The following ADNP2 variants were observed in gnomAD, a reference collection of about 807,000 sequenced individuals.
ADNP2 encodes ADNP homeobox 2, also known as activity-dependent neuroprotector homeobox protein 2.
A neutral mutation model predicts 16.4 loss-of-function variants in ADNP2; 8 were observed. The observed-to-expected ratio is 0.49, with a 90% CI of 0.29 to 0.88. ADNP2 has a LOEUF of 0.88. Among genes scored for constraint, ADNP2 ranks in the 40% least tolerant of loss-of-function variants. ADNP2 has a pLI of 0.09. For synonymous variants in ADNP2, 637 were observed against 545.8 expected, an observed-to-expected ratio of 1.17 and a Z score of -2.33; for missense variants, 1,397 against 1,395.1, an observed-to-expected ratio of 1.00 and a Z score of -0.02.
At chr18:80,109,746 C>T (rs910634971) in intron 1 of ADNP2, 2 of 150,884 alleles carry the variant, frequency 1.3e-5, no homozygotes, top group African/African-American at 4.9e-5. Context: ...GGGGGCCGCC[C>T]CGGGAGGGCG....
At chr18:80,119,182 A>G (rs1314703651) in intron 2 of ADNP2, among the ~76,000 whole-genome samples, 1 of 152,198 alleles carries the variant, frequency 6.6e-6, no homozygotes, top group African/African-American at 2.4e-5. Context: ...GCATAGTGAG[A>G]ACCTTTTTCC....
At chr18:80,123,297 A>T (rs2052436858) in intron 2 of ADNP2, among the ~76,000 whole-genome samples, 2 of 151,946 alleles carry the variant, frequency 1.3e-5, no homozygotes, top group South Asian at 4.1e-4. Flanking sequence ...TAATGTTTTT[A>T]TTTGGCCCTC....
intron 3 of ADNP2, chr18:80,133,589 G>A (rs1404409621): frequency 5.4e-6 from 1 of 186,020 alleles, no homozygotes; most frequent in Non-Finnish European, 1.1e-5. Flanking sequence ...AACATTTTAA[G>A]TAATTAGAAA....
intron 1 of ADNP2, among the ~76,000 whole-genome samples, chr18:80,110,490 G>T (rs779860840): frequency 2.6e-5 from 4 of 152,134 alleles, no homozygotes; most frequent in African/African-American, 7.2e-5. Flanking sequence ...GCAGCAGTTT[G>T]TAGAGTACTG....
chr18:80,134,231 G>A (rs1243340326), intron 3 of ADNP2, among the ~76,000 whole-genome samples: 2 of 151,938 alleles, frequency 1.3e-5, no homozygotes, highest in African/African-American at 4.8e-5. Flanking sequence ...AAAATATCTC[G>A]TAATGTAACT....
At chr18:80,112,641 G>C (rs2052365075) in intron 1 of ADNP2, among the ~76,000 whole-genome samples, 1 of 152,148 alleles carries the variant, frequency 6.6e-6, no homozygotes, top group Non-Finnish European at 1.5e-5. Flanking sequence ...CCCAAGCCTT[G>C]AACAAGTAAC....
At position 80,136,205 on chromosome 18, in the gene ADNP2, G is replaced by A. The variant is rs199817181; in HGVS notation, c.792G>A (p.Thr264=). ...AGAGGACTGGACTCTTGAAGCAAACGCACATTGCTCCAAAACCAGCAGCAC... is the reference window on the plus strand; with the variant it reads ...AGAGGACTGGACTCTTGAAGCAAACACACATTGCTCCAAAACCAGCAGCAC... The part of the protein sequence containing the change: ...HIKRTGLLKQ[T]HIAPKPAAHL... The change falls in exon 4 of 4, where the codon ACG becomes ACA. Residue 264 remains threonine (T), a synonymous_variant. Transcript: ENST00000262198. 113 of 1,614,234 alleles carry A rather than the reference G, an allele frequency of 7.0e-5. No homozygotes were observed. The Middle Eastern group carries it at 4.6e-3, about 66-fold the overall frequency.
chr18:80,113,891 C>T (rs551550058), intron 1 of ADNP2, among the ~76,000 whole-genome samples: 1 of 152,040 alleles, frequency 6.6e-6, no homozygotes, highest in South Asian at 2.1e-4. Context: ...CAGAAATTGT[C>T]CTTAAAAATC....
At chr18:80,111,719 AT>A (rs2052358614) in intron 1 of ADNP2, among the ~76,000 whole-genome samples, 1 of 151,720 alleles carries the variant, frequency 6.6e-6, no homozygotes, top group Admixed American at 6.6e-5. Flanking sequence ...TTTTTTGGTA[AT>A]TTTTAGTAGA....
Position 80,135,915 on chromosome 18 carries a change from T to C in ADNP2, c.502T>C (p.Tyr168His), listed in dbSNP as rs1271806005. The C allele has an allele frequency of 6.2e-7, 1 of 1,614,132 alleles. No individual in the cohort carries two copies. Residue 168 changes from tyrosine to histidine, a missense_variant, in exon 4 of 4, where the codon TAC becomes CAC. Around this residue, in one of 3 missense-constraint regions of ADNP2, gnomAD observed 777 missense variants for 719.4 expected, o/e 1.08. Coordinates refer to ENST00000262198, the MANE Select transcript of ADNP2 (RefSeq NM_014913.4). ...LKCNFSNTLY[Y>H]SMKKHVLVAH... ...ATGTAACTTTTCAAACACTTTGTAC[T>C]ACAGCATGAAGAAGCATGTGCTGGT...
At chr18:80,124,181 C>G (rs1197295560) in intron 2 of ADNP2, among the ~76,000 whole-genome samples, 1 of 152,138 alleles carries the variant, frequency 6.6e-6, no homozygotes, top group East Asian at 1.9e-4. Context: ...TAATTAGTGT[C>G]TTTCTAGGAA....
rs141268043 is a variant in ADNP2, at chr18:80,136,081, A to G, written c.668A>G (p.Asn223Ser). The G allele has an allele frequency of 4.0e-5, 64 of 1,614,218 alleles. No individual in the cohort carries two copies. Among genetic ancestry groups the G allele is most frequent in the African/African-American group, 1.3e-4 (10 of 75,068 alleles). Residue 223 changes from asparagine to serine, a missense_variant, in exon 4 of 4, where the codon AAT becomes AGT. Asn to Ser is a conservative substitution (Grantham distance 46). Transcript: ENST00000262198. ...TATTACTGTAAAAAGTGCAACGCCA[A>G]TGCCAGCAGCCAGGATGCGTTAATG... ...DKYYCKKCNA[N>S]ASSQDALMYH...
At chr18:80,129,548 G>C (rs148625953) in intron 2 of ADNP2, among the ~76,000 whole-genome samples, 1 of 152,128 alleles carries the variant, frequency 6.6e-6, no homozygotes, top group Admixed American at 6.6e-5. Flanking sequence ...TTCCAGATGT[G>C]TCTGGTACTT....
At chr18:80,125,381 C>T (rs1436393409) in intron 2 of ADNP2, among the ~76,000 whole-genome samples, 4 of 152,116 alleles carry the variant, frequency 2.6e-5, no homozygotes, top group Non-Finnish European at 4.4e-5. Context: ...CGGTGGCTCA[C>T]GCCTGTAATC....
intron 2 of ADNP2, among the ~76,000 whole-genome samples, chr18:80,125,579 C>G (rs941793611): frequency 1.3e-5 from 2 of 151,914 alleles, no homozygotes; most frequent in African/African-American, 2.4e-5. Flanking sequence ...GGAGGTGGAG[C>G]TTGCAGTGAG....
chr18:80,137,083 G>A lies in ADNP2; in HGVS notation c.1670G>A (p.Gly557Asp), dbSNP rs753705455. The stretch of plus-strand genomic sequence containing the variant: ...GTTGTGTCGGGAGTTCTTCCTGTGG[G>A]CCAGCCAGTGAGGCCTGGGGTCTTG... ...QPVVSGVLPVGQPVRPGVLQL... is the reference protein window; with the variant it reads ...QPVVSGVLPVDQPVRPGVLQL... The change falls in exon 4 of 4, where the codon GGC (glycine) becomes GAC (aspartate). Residue 557 changes from glycine to aspartate, a missense_variant. Physicochemically the swap from Gly to Asp is moderately conservative, Grantham distance 94. Transcript: ENST00000262198. The surrounding 1 kb of genome is among the most constrained non-coding windows in gnomAD (Gnocchi z 4.2). The A allele has an allele frequency of 4.3e-6, 7 of 1,613,490 alleles. No individual in the cohort carries two copies. The highest frequency in any genetic ancestry group is 5.9e-6 in the Non-Finnish European group (7 of 1,179,970).
intron 2 of ADNP2, among the ~76,000 whole-genome samples, chr18:80,120,148 C>T (rs547083158): frequency 7.2e-5 from 11 of 152,216 alleles, no homozygotes; most frequent in African/African-American, 1.4e-4. Flanking sequence ...GCTGAGGCTC[C>T]GAGCCCTTGG....
At chr18:80,115,577 T>G (rs2052383920) in intron 1 of ADNP2, among the ~76,000 whole-genome samples, 1 of 152,216 alleles carries the variant, frequency 6.6e-6, no homozygotes, top group Admixed American at 6.5e-5. Context: ...ACAGGGTTTA[T>G]TTTAATTTTG....
At position 80,136,775 on chromosome 18, in the gene ADNP2, G is replaced by C; in HGVS notation, c.1362G>C (p.Met454Ile). 6.3e-7 allele frequency: 1 copy of C among 1,597,712 alleles called. No individual in the cohort carries two copies. Among genetic ancestry groups the C allele is most frequent in the South Asian group, 1.1e-5 (1 of 87,630 alleles). ...VPSGVLPAGQMTPAGQMTPAG... is the reference protein window; with the variant it reads ...VPSGVLPAGQITPAGQMTPAG... ...CTGGAGTCCTTCCTGCAGGCCAGAT[G>C]ACTCCTGCAGGCCAGATGACTCCTG... Residue 454 changes from methionine (M) to isoleucine (I), a missense_variant, in exon 4 of 4, where the codon ATG becomes ATC. This residue lies in a region of ADNP2 where 777 missense variants were observed against 719.4 expected (regional missense o/e 1.08). Coordinates refer to ENST00000262198, the MANE Select transcript of ADNP2 (RefSeq NM_014913.4).
Sources: gnomAD v4.1 joint callset for allele counts (sites outside exome capture counted in the v4.1 genomes callset) on GRCh38, gnomAD v4.1.1 for gene constraint, gnomAD v4.1.1 regional missense constraint, Gnocchi (gnomAD v3.1) non-coding constraint, MANE v1.5 for transcripts, NCBI Gene and HGNC (gene_info 2026-07-23, HGNC 2026-07-21) for gene names.